LNPEP: variants seen among roughly 807,000 people sequenced by gnomAD.
The protein encoded by LNPEP is leucyl and cystinyl aminopeptidase, also known as leucyl-cystinyl aminopeptidase.
Under a neutral mutation model 120.6 loss-of-function variants are expected in LNPEP, and 64 were observed. The ratio of observed to expected loss-of-function variants is 0.53; its 90% CI spans 0.43 to 0.65. The LOEUF (loss-of-function observed/expected upper bound fraction) is 0.65, where lower values mean the gene tolerates loss of function less well. Ranked by LOEUF, LNPEP falls within the 30% of genes least tolerant of loss-of-function variation. The pLI is 0.00. For missense variants in LNPEP, 1,057 were observed against 1,200.0 expected, an observed-to-expected ratio of 0.88 and a Z score of 1.76; for synonymous variants, 435 against 425.4, an observed-to-expected ratio of 1.02 and a Z score of -0.28.
chr5:97,027,251 G>A (rs1791364145), intron 16 of LNPEP, among the ~76,000 whole-genome samples: 1 of 151,926 alleles, frequency 6.6e-6, no homozygotes, highest in South Asian at 2.1e-4. Context: ...TACTTGGGAG[G>A]CTGAGGCAAG....
chr5:96,953,560 A>C (rs1225888378), intron 1 of LNPEP, among the ~76,000 whole-genome samples: 2 of 152,226 alleles, frequency 1.3e-5, no homozygotes, highest in Middle Eastern at 3.2e-3. Context: ...ACAATGACGT[A>C]CAAAAGGACA....
chr5:96,943,223 TAAAA>T (rs369658383), intron 1 of LNPEP: 2 of 185,634 alleles, frequency 1.1e-5, no homozygotes, highest in African/African-American at 3.0e-5. Context: ...ACCAGTTGTT[TAAAA>T]AAAAAAAAAA....
At position 97,006,599 on chromosome 5, in the gene LNPEP, A is replaced by C. The variant is rs1447995247; in HGVS notation, c.2035+84A>C. On this transcript the variant is annotated intron_variant, in intron 11 of 17. Coordinates refer to ENST00000231368, the MANE Select transcript of LNPEP (RefSeq NM_005575.3). ...GTGCATATATAAGATTACACTTTCC[A>C]GTGTGCACACTCTCTGAACTGGTTT... 4 of 760,180 alleles carry C rather than the reference A, an allele frequency of 5.3e-6. No individual in the cohort carries two copies. The East Asian group carries it at 1.0e-4, about 20-fold the overall frequency. The allele number at this position is 760,180 out of a possible 1,614,324, so 47.1% of individuals were successfully genotyped here. A position where few individuals can be genotyped will look rare whatever the true frequency, so the allele number is the denominator to read the frequency against.
chr5:96,972,419 C>G (rs1789888894), intron 1 of LNPEP, among the ~76,000 whole-genome samples: 1 of 152,072 alleles, frequency 6.6e-6, no homozygotes, highest in South Asian at 2.1e-4. Flanking sequence ...CACTACTTCC[C>G]TGCACTGCTT....
chr5:96,966,052 G>C (rs1789717284), intron 1 of LNPEP, among the ~76,000 whole-genome samples: 1 of 152,104 alleles, frequency 6.6e-6, no homozygotes. Flanking sequence ...CTCCTGGATA[G>C]ATATTTAAAA....
At chr5:96,994,978 CATGCCTGTAATCCTAGTT>C (rs1414264230) in intron 6 of LNPEP, among the ~76,000 whole-genome samples, 4 of 152,136 alleles carry the variant, frequency 2.6e-5, no homozygotes, top group Admixed American at 2.6e-4. Flanking sequence ...CGTGGTGGTG[CATGCCTGTAATCCTAGTT>C]ACTTGGGAGG....
At chr5:96,994,117 T>C (rs1790453799) in intron 6 of LNPEP, 146 bp downstream of exon 6, 1 of 674,898 alleles carries the variant, frequency 1.5e-6, no homozygotes, top group Non-Finnish European at 2.4e-6. Context: ...AAACACAAAC[T>C]TCATTTTCAA....
chr5:97,004,315 C>G (rs1037607564), intron 9 of LNPEP, among the ~76,000 whole-genome samples: 8 of 152,064 alleles, frequency 5.3e-5, no homozygotes, highest in Non-Finnish European at 1.2e-4. Context: ...GAGTTCGAGA[C>G]CAGCCTGGCC....
intron 13 of LNPEP, among the ~76,000 whole-genome samples, chr5:97,019,908 T>G (rs1459605928): frequency 1.3e-5 from 2 of 152,158 alleles, no homozygotes; most frequent in Non-Finnish European, 2.9e-5. Context: ...AACAATGCAG[T>G]TAGGTATGTC....
chr5:96,979,376 A>G lies in LNPEP; in HGVS notation c.258A>G (p.Ser86=). Residue 86 remains serine (S), a synonymous_variant, in exon 2 of 18, where the codon TCA becomes TCG. Coordinates refer to ENST00000231368, the MANE Select transcript of LNPEP (RefSeq NM_005575.3). ...LLGMSFMNRS[S]GLRNSATGYR... ...GCATGTCCTTCATGAATAGAAGCTCAGGCCTTCGGAACAGTGCAACTGGTT... is the reference window on the plus strand; with the variant it reads ...GCATGTCCTTCATGAATAGAAGCTCGGGCCTTCGGAACAGTGCAACTGGTT... 1 of 1,614,116 alleles carries G rather than the reference A, an allele frequency of 6.2e-7. No individual in the cohort carries two copies. Among genetic ancestry groups the G allele is most frequent in the Non-Finnish European group, 8.5e-7 (1 of 1,179,960 alleles).
intron 13 of LNPEP, among the ~76,000 whole-genome samples, chr5:97,021,607 A>T (rs999138266): frequency 1.6e-4 from 24 of 152,218 alleles, no homozygotes; most frequent in Non-Finnish European, 2.8e-4. Flanking sequence ...AAGTCCTGAC[A>T]TCCTTCCAGC....
chr5:97,019,574 C>T (rs1284418798), intron 13 of LNPEP, among the ~76,000 whole-genome samples: 1 of 152,094 alleles, frequency 6.6e-6, no homozygotes, highest in Non-Finnish European at 1.5e-5. Flanking sequence ...AAAATTGCTC[C>T]CTGTAATTCG....
intron 6 of LNPEP, among the ~76,000 whole-genome samples, chr5:96,994,440 C>T (rs1180308523): frequency 6.6e-6 from 1 of 151,040 alleles, no homozygotes; most frequent in African/African-American, 2.4e-5. Flanking sequence ...CTTCTGACAA[C>T]TCAAACTGTA....
In LNPEP at chr5:97,031,711, C is replaced by A. The variant is rs1791472277; in HGVS notation, c.*3178C>A. 6.6e-6 allele frequency: 1 copy of A among 152,142 alleles called. No individual in the cohort carries two copies. The highest frequency in any genetic ancestry group is 2.1e-4 in the South Asian group (1 of 4,820). 9.4% of individuals were successfully genotyped at this position (152,142 alleles called of 1,614,324 possible). A position where few individuals can be genotyped will look rare whatever the true frequency, so the allele number is the denominator to read the frequency against. The stretch of plus-strand genomic sequence containing the variant: ...TTCTAAACCAGTTTGGCCGACATGG[C>A]AAAACCCCATCTCTACTAAAAATAT... On this transcript the variant is annotated 3_prime_UTR_variant, in exon 18 of 18. Transcript: ENST00000231368.
intron 1 of LNPEP, among the ~76,000 whole-genome samples, chr5:96,961,782 A>G (rs1206080275): frequency 6.6e-6 from 1 of 152,160 alleles, no homozygotes; most frequent in Non-Finnish European, 1.5e-5. Flanking sequence ...TATGTAAATT[A>G]TACTGTATTA....
At chr5:97,006,276 C>G (rs200895352) in intron 10 of LNPEP, 43 bp downstream of exon 10, 14 of 1,509,472 alleles carry the variant, frequency 9.3e-6, no homozygotes, top group Non-Finnish European at 1.1e-5. Flanking sequence ...TTTGCACTCT[C>G]AGGTGGAAAT....
intron 1 of LNPEP, among the ~76,000 whole-genome samples, chr5:96,963,956 G>T (rs1581988631): frequency 6.6e-6 from 1 of 151,870 alleles, no homozygotes; most frequent in South Asian, 2.1e-4. Context: ...GTTAAACACA[G>T]TCACCCTGCT....
chr5:96,960,920 A>T (rs2112580488), intron 1 of LNPEP, among the ~76,000 whole-genome samples: 1 of 152,076 alleles, frequency 6.6e-6, no homozygotes, highest in South Asian at 2.1e-4. Flanking sequence ...CTTTTTTGAG[A>T]CCAAGATGAA....
chr5:96,987,325 TACTG>T (rs1302167748), intron 4 of LNPEP, among the ~76,000 whole-genome samples: 35 of 152,314 alleles, frequency 2.3e-4, no homozygotes, highest in East Asian at 7.7e-4. Context: ...TTTTTTCAAA[TACTG>T]ACAACATAGA....
Sources: gnomAD v4.1 joint callset for allele counts (sites outside exome capture counted in the v4.1 genomes callset) on GRCh38, gnomAD v4.1.1 for gene constraint, MANE v1.5 for transcripts, NCBI Gene and HGNC (gene_info 2026-07-23, HGNC 2026-07-21) for gene names.